Variants in SUPT3H observed in about 807,000 individuals in gnomAD.
SUPT3H encodes the protein transcription initiation protein SPT3 homolog.
In SUPT3H, 44 loss-of-function variants were observed where a neutral mutation model predicts 44.3. The observed-to-expected ratio is 0.99, with a 90% CI of 0.78 to 1.28. The LOEUF is 1.28. Ranked by LOEUF, SUPT3H falls within the 50% of genes most tolerant of loss-of-function variation. SUPT3H has a pLI of 0.00. For synonymous variants in SUPT3H, 124 were observed against 125.6 expected (o/e 0.99, Z 0.09); for missense variants, 380 against 387.1 (o/e 0.98, Z 0.15).
At chr6:44,893,538 A>G in intron 10 of SUPT3H, among the ~76,000 whole-genome samples, 1 of 152,238 alleles carries the variant, frequency 6.6e-6, no homozygotes. Context: ...ATGTCCCTAC[A>G]AAGGACGTGA....
At chr6:44,816,652 G>GCT (rs1766931361) in intron 11 of SUPT3H, among the ~76,000 whole-genome samples, 1 of 152,130 alleles carries the variant, frequency 6.6e-6, no homozygotes, top group Non-Finnish European at 1.5e-5. Context: ...TATGAGCCTA[G>GCT]CATTAGCTGA....
intron 1 of SUPT3H, among the ~76,000 whole-genome samples, chr6:45,368,186 A>G (rs1047052511): frequency 6.6e-6 from 1 of 152,200 alleles, no homozygotes; most frequent in African/African-American, 2.4e-5. Flanking sequence ...TCTGTTTGCC[A>G]TATTTTACAA....
At chr6:45,170,624 G>A (rs146645022) in intron 2 of SUPT3H, among the ~76,000 whole-genome samples, 1 of 152,242 alleles carries the variant, frequency 6.6e-6, no homozygotes, top group East Asian at 1.9e-4. Flanking sequence ...TACCAAGGGT[G>A]TTTAGGTTCA....
intron 10 of SUPT3H, among the ~76,000 whole-genome samples, chr6:44,878,124 C>T (rs1413804839): frequency 2.0e-5 from 3 of 152,196 alleles, no homozygotes; most frequent in Admixed American, 1.3e-4. Context: ...GCTTTTAAGT[C>T]TAACAAATCC....
chr6:45,222,038 T>C (rs1446467083), intron 2 of SUPT3H, among the ~76,000 whole-genome samples: 7 of 152,162 alleles, frequency 4.6e-5, no homozygotes, highest in Non-Finnish European at 8.8e-5. Context: ...AAATATAACC[T>C]TTTCAACAAA....
chr6:45,006,681 T>C (rs2153507688), intron 5 of SUPT3H, among the ~76,000 whole-genome samples: 1 of 152,258 alleles, frequency 6.6e-6, no homozygotes, highest in East Asian at 1.9e-4. Flanking sequence ...CAGAACACTT[T>C]CATTTTCCCT....
At chr6:45,208,188 T>C (rs1243197238) in intron 2 of SUPT3H, among the ~76,000 whole-genome samples, 6 of 152,186 alleles carry the variant, frequency 3.9e-5, no homozygotes, top group African/African-American at 1.4e-4. Flanking sequence ...AGTTAGAACA[T>C]TCCCATAAGC....
chr6:45,044,056 A>C (rs1156987492), intron 3 of SUPT3H, among the ~76,000 whole-genome samples: 1 of 152,188 alleles, frequency 6.6e-6, no homozygotes, highest in Non-Finnish European at 1.5e-5. Flanking sequence ...TATTCAAATT[A>C]AGCTACTACA....
intron 6 of SUPT3H, among the ~76,000 whole-genome samples, chr6:44,990,637 G>C (rs1246058769): frequency 6.6e-6 from 1 of 152,222 alleles, no homozygotes; most frequent in East Asian, 1.9e-4. Flanking sequence ...ATAGACAATG[G>C]AACTTTACAC....
intron 10 of SUPT3H, among the ~76,000 whole-genome samples, chr6:44,915,518 A>G (rs866071129): frequency 6.6e-6 from 1 of 152,162 alleles, no homozygotes; most frequent in South Asian, 2.1e-4. Flanking sequence ...AACCTGAAAG[A>G]CTAGTTCATG....
rs866891515 is a variant in SUPT3H, at chr6:45,312,685, G to C, written c.101+52516C>G. Among the ~76,000 whole-genome samples the C allele has an allele frequency of 6.3e-3, 750 of 118,768 alleles. 39 individuals carry two copies. The highest frequency in any genetic ancestry group is 0.022 in the African/African-American group (707 of 31,694). The allele number at this position is 118,768 out of a possible 152,430, so 77.9% of individuals were successfully genotyped here. On this transcript the variant is annotated intron_variant, in intron 2 of 10. Coordinates refer to ENST00000371459, the MANE Select transcript of SUPT3H (RefSeq NM_003599.4). ...GATAGACAGCAACACAATAATGTGG[G>C]GGGGGGGGGGGACTTCAATACTCCA...
chr6:45,267,854 T>C (rs1012147347), intron 2 of SUPT3H, among the ~76,000 whole-genome samples: 3 of 152,048 alleles, frequency 2.0e-5, no homozygotes, highest in Admixed American at 1.3e-4. Flanking sequence ...AAAGTAAAGA[T>C]GAAAGTCATG....
At chr6:45,185,453 C>T (rs1472486003) in intron 2 of SUPT3H, among the ~76,000 whole-genome samples, 4 of 151,976 alleles carry the variant, frequency 2.6e-5, no homozygotes, top group Admixed American at 2.0e-4. Flanking sequence ...TTTGTCATAC[C>T]CAACAAAAAT....
Position 45,283,619 on chromosome 6 carries a change from T to C in SUPT3H, c.101+81582A>G, listed in dbSNP as rs200266231. 1.8e-4 allele frequency among the ~76,000 whole-genome samples: 28 copies of C among 151,806 alleles called. No individual in the cohort carries two copies. The East Asian group carries it at 4.4e-3, about 24-fold the overall frequency. ...CAGAGACCTACAAAGAGACTTAGAC[T>C]CCCACACGATAATAATGGGAGACTT... is the stretch of plus-strand genomic sequence containing the variant. On this transcript the variant is annotated intron_variant, in intron 2 of 10. Coordinates refer to ENST00000371459, the MANE Select transcript of SUPT3H (RefSeq NM_003599.4).
At position 45,005,718 on chromosome 6, in the gene SUPT3H, T is replaced by A. The variant is rs867380707; in HGVS notation, c.365-1926A>T. Reference sequence around the variant, plus strand: ...CTCGTCTCAAAAAAAAAAAAAAAAATTTAATTTCTATATTGTCAAATAAGT... The same window carrying A: ...CTCGTCTCAAAAAAAAAAAAAAAAAATTAATTTCTATATTGTCAAATAAGT... On this transcript the variant is annotated intron_variant, in intron 5 of 10. Coordinates refer to ENST00000371459, the MANE Select transcript of SUPT3H (RefSeq NM_003599.4). 2.7e-3 allele frequency among the ~76,000 whole-genome samples: 386 copies of A among 142,478 alleles called. 3 individuals are homozygous for A. Among genetic ancestry groups the A allele is most frequent in the African/African-American group, 9.2e-3 (350 of 37,998 alleles). The allele number at this position is 142,478 out of a possible 152,430, so 93.5% of individuals were successfully genotyped here. A position where few individuals can be genotyped will look rare whatever the true frequency, so the allele number is the denominator to read the frequency against.
At chr6:44,902,896 A>C (rs1582377262) in intron 10 of SUPT3H, among the ~76,000 whole-genome samples, 1 of 152,330 alleles carries the variant, frequency 6.6e-6, no homozygotes, top group African/African-American at 2.4e-5. Context: ...CTGCTCAACT[A>C]CATGGAAACT....
In SUPT3H at chr6:45,102,838, A is replaced by G. The variant is rs191489830; in HGVS notation, c.186+3084T>C. Among the ~76,000 whole-genome samples the G allele has an allele frequency of 3.9e-5, 6 of 151,996 alleles. No homozygotes were observed. In the East Asian group the frequency reaches 1.2e-3, roughly 29 times the overall value. ...ACCTGTAATCTCAGCTACTCAAGAGACTGAGACAGGAAATCGCTTGAACCC... is the reference window on the plus strand; with the variant it reads ...ACCTGTAATCTCAGCTACTCAAGAGGCTGAGACAGGAAATCGCTTGAACCC... On this transcript the variant is annotated intron_variant, in intron 3 of 10. Coordinates refer to ENST00000371459, the MANE Select transcript of SUPT3H (RefSeq NM_003599.4).
chr6:45,253,437 T>G (rs1393206747), intron 2 of SUPT3H, among the ~76,000 whole-genome samples: 1 of 152,140 alleles, frequency 6.6e-6, no homozygotes, highest in African/African-American at 2.4e-5. Context: ...TGAGCACAAT[T>G]TTTAAATTGT....
intron 11 of SUPT3H, among the ~76,000 whole-genome samples, chr6:44,814,240 T>C (rs995305499): frequency 1.3e-5 from 2 of 152,068 alleles, no homozygotes; most frequent in Non-Finnish European, 2.9e-5. Context: ...AAAAATAGGA[T>C]ACAATTGAAA....
Sources: gnomAD v4.1 joint callset for allele counts (sites outside exome capture counted in the v4.1 genomes callset) on GRCh38, gnomAD v4.1.1 for gene constraint, MANE v1.5 for transcripts, NCBI Gene and HGNC (gene_info 2026-07-23, HGNC 2026-07-21) for gene names.